The following SMOC2 variants were observed in gnomAD, a reference collection of about 807,000 sequenced individuals.
SMOC2 encodes SPARC-related modular calcium-binding protein 2.
Under a neutral mutation model 61.4 loss-of-function variants are expected in SMOC2, and 39 were observed. The ratio of observed to expected loss-of-function variants is 0.64; its 90% CI spans 0.49 to 0.83. The LOEUF (loss-of-function observed/expected upper bound fraction) is 0.83, where lower values mean the gene tolerates loss of function less well. SMOC2 is among the 40% of genes least tolerant of loss of function. The pLI, the probability that SMOC2 is intolerant of heterozygous loss-of-function variation, is 0.00. For synonymous variants in SMOC2, 247 were observed against 239.9 expected, an observed-to-expected ratio of 1.03 and a Z score of -0.27; for missense variants, 556 against 592.9, an observed-to-expected ratio of 0.94 and a Z score of 0.65.
intron 1 of SMOC2, among the ~76,000 whole-genome samples, chr6:168,503,158 A>C (rs954236645): frequency 6.1e-4 from 84 of 136,782 alleles, no homozygotes; most frequent in African/African-American, 9.3e-4. Context: ...TGCTCACTGC[A>C]ACCTCCGCCT....
intron 1 of SMOC2, among the ~76,000 whole-genome samples, chr6:168,487,510 T>G (rs527999314): frequency 6.6e-6 from 1 of 152,288 alleles, no homozygotes; most frequent in Admixed American, 6.5e-5. Context: ...AAAATTACCT[T>G]TTTTCTTTTT....
intron 1 of SMOC2, among the ~76,000 whole-genome samples, chr6:168,479,302 T>G (rs544300070): frequency 6.6e-5 from 10 of 152,364 alleles, no homozygotes; most frequent in African/African-American, 2.4e-4. Context: ...GGGAAGACTA[T>G]GTATAGGAGA....
At chr6:168,564,915 A>G (rs1784509388) in intron 7 of SMOC2, among the ~76,000 whole-genome samples, 1 of 152,204 alleles carries the variant, frequency 6.6e-6, no homozygotes, top group African/African-American at 2.4e-5. Flanking sequence ...AGTTAATCCC[A>G]CTGGGTAATT....
chr6:168,649,794 C>CAG (rs1257487899), intron 9 of SMOC2, among the ~76,000 whole-genome samples: 1 of 152,182 alleles, frequency 6.6e-6, no homozygotes, highest in Non-Finnish European at 1.5e-5. Context: ...AAAGGGCATC[C>CAG]AGAGAGAGGA....
chr6:168,517,937 C>G (rs993821461), intron 2 of SMOC2, among the ~76,000 whole-genome samples: 19 of 152,380 alleles, frequency 1.2e-4, no homozygotes, highest in African/African-American at 4.3e-4. Context: ...CGAGCCTGGG[C>G]CGGGGGGCTC....
At chr6:168,613,595 C>G (rs894511160) in intron 9 of SMOC2, among the ~76,000 whole-genome samples, 2 of 152,088 alleles carry the variant, frequency 1.3e-5, no homozygotes, top group Non-Finnish European at 2.9e-5. Context: ...GGGCATGGCA[C>G]AGTGCCTCTT....
At chr6:168,501,963 T>G (rs1205098415) in intron 1 of SMOC2, among the ~76,000 whole-genome samples, 1 of 152,354 alleles carries the variant, frequency 6.6e-6, no homozygotes, top group East Asian at 1.9e-4. Flanking sequence ...GCTGAGCCCC[T>G]GCCCTCTTTC....
chr6:168,628,399 C>T lies in SMOC2; in HGVS notation c.907+20160C>T, dbSNP rs544573000. 2.0e-5 allele frequency among the ~76,000 whole-genome samples: 3 copies of T among 152,244 alleles called. No homozygotes were observed. In the East Asian group the frequency reaches 5.8e-4, roughly 29 times the overall value. ...TAAACACTGAGCTTTAAGTGAAACA[C>T]TTCGTTCCAAAATGGAACTGGATTT... On this transcript the variant is annotated intron_variant, in intron 9 of 12. Coordinates refer to ENST00000356284, the MANE Select transcript of SMOC2 (RefSeq NM_001166412.2).
At chr6:168,480,372 A>G (rs1193285803) in intron 1 of SMOC2, among the ~76,000 whole-genome samples, 3 of 152,138 alleles carry the variant, frequency 2.0e-5, no homozygotes, top group African/African-American at 7.2e-5. Context: ...ATGTGGAGAA[A>G]GTAAAGAAAA....
At chr6:168,462,256 A>T (rs1190856485) in intron 1 of SMOC2, among the ~76,000 whole-genome samples, 1 of 152,100 alleles carries the variant, frequency 6.6e-6, no homozygotes, top group Non-Finnish European at 1.5e-5. Context: ...TGTAATGAAG[A>T]CTATGTCCGT....
At chr6:168,611,296 T>C (rs13198064) in intron 9 of SMOC2, among the ~76,000 whole-genome samples, 190 of 12,270 alleles carry the variant, frequency 0.015, no homozygotes, top group African/African-American at 0.036. Flanking sequence ...CGGGCCTGGC[T>C]GTGGCTCCCA....
rs558182659 is a variant in SMOC2, at chr6:168,453,873, T to A, written c.84+12419T>A. Among the ~76,000 whole-genome samples the A allele has an allele frequency of 3.9e-5, 6 of 152,016 alleles. No homozygotes were observed. Among genetic ancestry groups the A allele is most frequent in the African/African-American group, 1.2e-4 (5 of 41,472 alleles). ...TTCTTTCTCTGGATCTCTGCCATTC[T>A]CCATCTCTGTCTCTCTATCTCTCTT... is the stretch of plus-strand genomic sequence containing the variant. On this transcript the variant is annotated intron_variant, in intron 1 of 12. Coordinates refer to ENST00000356284, the MANE Select transcript of SMOC2 (RefSeq NM_001166412.2). The surrounding 1 kb of genome is among the most constrained non-coding windows in gnomAD (Gnocchi z 4.4).
At chr6:168,654,103 G>C (rs372804389) in intron 11 of SMOC2, among the ~76,000 whole-genome samples, 49 of 78,490 alleles carry the variant, frequency 6.2e-4, no homozygotes, top group African/African-American at 6.0e-4. Context: ...CACCAACCCT[G>C]TACCTGAGCT....
intron 9 of SMOC2, among the ~76,000 whole-genome samples, chr6:168,615,091 C>G (rs542373620): frequency 1.0e-5 from 1 of 98,208 alleles, no homozygotes; most frequent in Non-Finnish European, 2.1e-5. Flanking sequence ...CACAGGGCCT[C>G]TTCACACCTA....
chr6:168,527,742 C>G lies in SMOC2; in HGVS notation c.463+15C>G, dbSNP rs1783490154. On this transcript the variant is annotated intron_variant, in intron 4 of 12. Coordinates refer to ENST00000356284, the MANE Select transcript of SMOC2 (RefSeq NM_001166412.2). ...CCGGTGCCCGGGTAGGTCTGACGTG[C>G]CTTTCCAAGTGGAAGGCTTGAAGGG... 4 of 1,520,936 alleles carry G rather than the reference C, an allele frequency of 2.6e-6. No homozygotes were observed. The South Asian group carries it at 3.6e-5, about 14-fold the overall frequency. 94.2% of individuals were successfully genotyped at this position (1,520,936 alleles called of 1,614,324 possible).
In SMOC2 at chr6:168,447,363, A is replaced by G. The variant is rs117057073; in HGVS notation, c.84+5909A>G. On this transcript the variant is annotated intron_variant, in intron 1 of 12. Coordinates refer to ENST00000356284, the MANE Select transcript of SMOC2 (RefSeq NM_001166412.2). ...TTCTTTCTCTTTTATGCTTCTGCCC[A>G]AATTAGAAGAAACTTCCTTTGCTTC... is the stretch of plus-strand genomic sequence containing the variant. Among the ~76,000 whole-genome samples, 916 of 152,198 alleles carry G rather than the reference A, an allele frequency of 6.0e-3. 8 individuals carry two copies. The highest frequency in any genetic ancestry group is 9.6e-3 in the Non-Finnish European group (650 of 68,010).
chr6:168,500,763 C>T (rs1782708832), intron 1 of SMOC2, among the ~76,000 whole-genome samples: 1 of 152,184 alleles, frequency 6.6e-6, no homozygotes, highest in Admixed American at 6.5e-5. Context: ...CATGCCCATG[C>T]ATTCCGTGTC....
rs185160606 is a variant in SMOC2, at chr6:168,580,611, G to C, written c.638-18207G>C. ...GGCTGGAGGGCAGTGGCACAATCAC[G>C]ACTCACTGCAGCCTCGACCTCCCAG... On this transcript the variant is annotated intron_variant, in intron 7 of 12. Transcript: ENST00000356284. 7.2e-5 allele frequency among the ~76,000 whole-genome samples: 11 copies of C among 152,280 alleles called. 1 individual carries two copies. Among genetic ancestry groups the C allele is most frequent in the Admixed American group, 4.6e-4 (7 of 15,298 alleles).
At chr6:168,476,117 C>G (rs1170670068) in intron 1 of SMOC2, among the ~76,000 whole-genome samples, 1 of 152,120 alleles carries the variant, frequency 6.6e-6, no homozygotes, top group Non-Finnish European at 1.5e-5. Flanking sequence ...CTGATTCAAA[C>G]TCTATTTTTA....
Sources: allele counts gnomAD v4.1 joint callset (sites outside exome capture counted in the v4.1 genomes callset), GRCh38; gene constraint gnomAD v4.1.1; non-coding constraint Gnocchi (gnomAD v3.1); transcripts MANE v1.5; gene names NCBI Gene and HGNC (gene_info 2026-07-23, HGNC 2026-07-21).